The following SYN3 variants were observed in gnomAD, a reference collection of about 807,000 sequenced individuals.
SYN3 encodes synapsin III.
In SYN3, 35 loss-of-function variants were observed where a neutral mutation model predicts 65.8. That is an observed-to-expected ratio of 0.53 (90% CI 0.41 to 0.70). The LOEUF is 0.70. SYN3 is among the 30% of genes least tolerant of loss of function. SYN3 has a pLI of 0.00. For missense variants in SYN3, 680 were observed against 749.0 expected (o/e 0.91, Z 1.08); for synonymous variants, 270 against 292.9 (o/e 0.92, Z 0.80).
At chr22:32,792,625 C>T (rs776417609) in intron 6 of SYN3, among the ~76,000 whole-genome samples, 25 of 152,150 alleles carry the variant, frequency 1.6e-4, no homozygotes, top group Admixed American at 4.6e-4. Context: ...CACACCCGCA[C>T]CCCTAGAAAT....
intron 7 of SYN3, among the ~76,000 whole-genome samples, chr22:32,550,711 A>AAAT (rs1555894491): frequency 6.6e-6 from 1 of 151,604 alleles, no homozygotes; most frequent in Non-Finnish European, 1.5e-5. Context: ...AAAAAAAAAA[A>AAAT]TAAGAATAAA....
intron 4 of SYN3, among the ~76,000 whole-genome samples, chr22:32,898,946 C>A (rs1405070636): frequency 6.6e-6 from 1 of 151,988 alleles, no homozygotes; most frequent in Non-Finnish European, 1.5e-5. Flanking sequence ...ACTAAAAATA[C>A]AAAAAATTAG....
chr22:32,908,377 C>T (rs11704534), intron 4 of SYN3, among the ~76,000 whole-genome samples: 23,342 of 145,296 alleles, frequency 0.16, 2,329 homozygotes, highest in Non-Finnish European at 0.22. Flanking sequence ...TGAGCCACCA[C>T]GCCTAGCCTT....
intron 6 of SYN3, among the ~76,000 whole-genome samples, chr22:32,674,391 C>A (rs1461965148): frequency 6.6e-6 from 1 of 152,142 alleles, no homozygotes; most frequent in Non-Finnish European, 1.5e-5. Flanking sequence ...TGCAAATCTG[C>A]CACCAGAATG....
chr22:32,923,378 C>T (rs1023670206), intron 4 of SYN3, among the ~76,000 whole-genome samples: 1 of 152,056 alleles, frequency 6.6e-6, no homozygotes, highest in Non-Finnish European at 1.5e-5. Context: ...CCTACTGATT[C>T]CAACGCTCTT....
At chr22:33,038,042 G>GA (rs2145923072) in intron 1 of SYN3, among the ~76,000 whole-genome samples, 1 of 151,702 alleles carries the variant, frequency 6.6e-6, no homozygotes, top group African/African-American at 2.4e-5. Context: ...AATGAAACCA[G>GA]AAAAAAGAAC....
At chr22:32,812,312 G>C (rs1485932725) in intron 6 of SYN3, among the ~76,000 whole-genome samples, 1 of 152,200 alleles carries the variant, frequency 6.6e-6, no homozygotes, top group Non-Finnish European at 1.5e-5. Flanking sequence ...CAGGATTTCT[G>C]TGGTTGCAAA....
intron 1 of SYN3, among the ~76,000 whole-genome samples, chr22:33,053,823 A>T (rs998799299): frequency 6.6e-6 from 1 of 152,066 alleles, no homozygotes; most frequent in East Asian, 1.9e-4. Context: ...TACTGGATAA[A>T]CTCCATGAGA....
intron 1 of SYN3, among the ~76,000 whole-genome samples, chr22:33,026,082 C>T (rs2053637630): frequency 6.6e-6 from 1 of 152,210 alleles, no homozygotes; most frequent in Non-Finnish European, 1.5e-5. Context: ...ATGGCTGCAT[C>T]TTAGAGCCCA....
intron 6 of SYN3, among the ~76,000 whole-genome samples, chr22:32,737,390 T>A (rs548314823): frequency 1.3e-5 from 2 of 152,284 alleles, no homozygotes; most frequent in East Asian, 3.9e-4. Flanking sequence ...TATGTATACA[T>A]GTGCCATGTT....
intron 6 of SYN3, among the ~76,000 whole-genome samples, chr22:32,782,201 T>G (rs1439290378): frequency 6.6e-6 from 1 of 152,030 alleles, no homozygotes; most frequent in East Asian, 1.9e-4. Flanking sequence ...CCCAAGTAGC[T>G]GGGATTACAG....
rs111308299 is a variant in SYN3 at position 32,510,984 on chromosome 22, C to CGTGTGTGTGTGTGTGTGTGT, written c.*2688_*2707dup. On this transcript the variant is annotated 3_prime_UTR_variant, in exon 14 of 14. Transcript: ENST00000358763. ...TGTCAATTCCAAGTTATTGTCCAGGCGTGTGTGTGTGTGTGTGTGTGTGTG... is the reference window on the plus strand; with the variant it reads ...TGTCAATTCCAAGTTATTGTCCAGGCGTGTGTGTGTGTGTGTGTGTGTGTGTGTGTGTGTGTGTGTGTGTG... 2.1e-4 allele frequency among the ~76,000 whole-genome samples: 30 copies of CGTGTGTGTGTGTGTGTGTGT among 142,926 alleles called. No homozygotes were observed. The highest frequency in any genetic ancestry group is 6.9e-4 in the African/African-American group (27 of 39,272). 93.8% of individuals were successfully genotyped at this position (142,926 alleles called of 152,430 possible). A position where few individuals can be genotyped will look rare whatever the true frequency, so the allele number is the denominator to read the frequency against.
At chr22:32,745,047 A>C (rs1393750450) in intron 6 of SYN3, among the ~76,000 whole-genome samples, 1 of 151,202 alleles carries the variant, frequency 6.6e-6, no homozygotes, top group Non-Finnish European at 1.5e-5. Context: ...GAGGGAAGAA[A>C]CGGCACTCTT....
At chr22:32,631,003 C>A (rs139763906) in intron 6 of SYN3, among the ~76,000 whole-genome samples, 1 of 152,186 alleles carries the variant, frequency 6.6e-6, no homozygotes, top group Non-Finnish European at 1.5e-5. Flanking sequence ...TTTAAAAATA[C>A]CTGCAGAGGG....
chr22:32,707,778 T>G (rs541395811), intron 6 of SYN3, among the ~76,000 whole-genome samples: 10 of 152,322 alleles, frequency 6.6e-5, no homozygotes, highest in Admixed American at 3.9e-4. Context: ...TAAGCCCTGG[T>G]GCCACAACAG....
intron 7 of SYN3, among the ~76,000 whole-genome samples, chr22:32,581,657 T>C (rs921617122): frequency 3.3e-5 from 5 of 152,196 alleles, no homozygotes; most frequent in Non-Finnish European, 5.9e-5. Context: ...GGCTGTTTTA[T>C]TTGACGTATA....
chr22:32,830,294 C>A (rs1209421938), intron 6 of SYN3, among the ~76,000 whole-genome samples: 1 of 152,210 alleles, frequency 6.6e-6, no homozygotes, highest in Non-Finnish European at 1.5e-5. Context: ...AGGCACTGTG[C>A]TAAGTACCTC....
chr22:32,642,277 A>C (rs1159329627), intron 6 of SYN3, among the ~76,000 whole-genome samples: 1 of 151,756 alleles, frequency 6.6e-6, no homozygotes, highest in Non-Finnish European at 1.5e-5. Context: ...GTGACAGAGC[A>C]GGACTCCATT....
chr22:32,655,689 C>A (rs1474209350), intron 6 of SYN3, among the ~76,000 whole-genome samples: 1 of 152,148 alleles, frequency 6.6e-6, no homozygotes, highest in Non-Finnish European at 1.5e-5. Context: ...TCTCCCATCA[C>A]CCCCAGATGG....
Sources: allele counts gnomAD v4.1 joint callset (sites outside exome capture counted in the v4.1 genomes callset), GRCh38; gene constraint gnomAD v4.1.1; transcripts MANE v1.5; gene names NCBI Gene and HGNC (gene_info 2026-07-23, HGNC 2026-07-21).